Variants in CNTN5 observed in about 807,000 individuals in gnomAD.
CNTN5 encodes the protein contactin-5.
CNTN5 carries 77 observed loss-of-function variants against 129.1 expected under a neutral mutation model. That is an observed-to-expected ratio of 0.60 (90% CI 0.50 to 0.72). CNTN5 has a LOEUF of 0.72. Among genes scored for constraint, CNTN5 ranks in the 30% least tolerant of loss-of-function variants. CNTN5 has a pLI of 0.00. For synonymous variants in CNTN5, 509 were observed against 465.6 expected (o/e 1.09, Z -1.20); for missense variants, 1,478 against 1,328.8 (o/e 1.11, Z -1.75).
chr11:99,509,553 A>G (rs1946756237), intron 2 of CNTN5, among the ~76,000 whole-genome samples: 1 of 152,178 alleles, frequency 6.6e-6, no homozygotes, highest in African/African-American at 2.4e-5. Flanking sequence ...CTTTTAAAAT[A>G]TAACTGACCA....
chr11:99,750,227 T>C (rs2135212158), intron 3 of CNTN5, among the ~76,000 whole-genome samples: 1 of 152,312 alleles, frequency 6.6e-6, no homozygotes, highest in Non-Finnish European at 1.5e-5. Flanking sequence ...TGTTTTTCTC[T>C]CTATATTTCA....
chr11:99,088,394 G>A (rs559737804), intron 1 of CNTN5, among the ~76,000 whole-genome samples: 2 of 151,970 alleles, frequency 1.3e-5, no homozygotes, highest in African/African-American at 4.8e-5. Context: ...TTTTTCCTTC[G>A]GCCTTGAGAT....
At chr11:99,740,609 C>G (rs1045563255) in intron 3 of CNTN5, among the ~76,000 whole-genome samples, 2 of 152,052 alleles carry the variant, frequency 1.3e-5, no homozygotes, top group African/African-American at 2.4e-5. Context: ...GTTTGTAGTC[C>G]TGACTTGGTA....
chr11:99,228,297 A>G (rs994733108), intron 1 of CNTN5, among the ~76,000 whole-genome samples: 2 of 152,098 alleles, frequency 1.3e-5, no homozygotes, highest in African/African-American at 2.4e-5. Flanking sequence ...GAGTAGAATG[A>G]TAGTAGAATG....
rs761661646 is a variant in CNTN5 at position 100,241,781 on chromosome 11, G to T, written c.2006-13979G>T. On this transcript the variant is annotated intron_variant, in intron 16 of 24. Transcript: ENST00000524871. ...TCATGCTCTAAGTAAGACCGCAAGA[G>T]ACCAGCATGCAAAGGATCCTCAGAA... Among the ~76,000 whole-genome samples, 4 of 152,298 alleles carry T rather than the reference G, an allele frequency of 2.6e-5. No homozygotes were observed. In the East Asian group the frequency reaches 7.7e-4, roughly 29 times the overall value.
At chr11:99,403,369 T>G (rs999371342) in intron 2 of CNTN5, among the ~76,000 whole-genome samples, 1 of 152,264 alleles carries the variant, frequency 6.6e-6, no homozygotes, top group South Asian at 2.1e-4. Context: ...ATTTCTGTTC[T>G]CATTTTATCA....
intron 3 of CNTN5, among the ~76,000 whole-genome samples, chr11:99,744,413 T>G (rs1160856430): frequency 1.3e-5 from 2 of 151,542 alleles, no homozygotes; most frequent in African/African-American, 4.9e-5. Flanking sequence ...CACTAAACAA[T>G]GTTGGGACTG....
At chr11:99,810,396 C>T (rs909826957) in intron 3 of CNTN5, among the ~76,000 whole-genome samples, 7 of 152,072 alleles carry the variant, frequency 4.6e-5, no homozygotes, top group Admixed American at 2.0e-4. Flanking sequence ...GTGCCGTTAA[C>T]TTTTTTTCTT....
intron 6 of CNTN5, among the ~76,000 whole-genome samples, chr11:99,912,156 G>C (rs539356201): frequency 6.6e-6 from 1 of 151,700 alleles, no homozygotes; most frequent in African/African-American, 2.4e-5. Flanking sequence ...AAGGCAAAAA[G>C]GAAGAGGAAG....
At chr11:99,349,638 G>A (rs1208393686) in intron 2 of CNTN5, among the ~76,000 whole-genome samples, 1 of 152,102 alleles carries the variant, frequency 6.6e-6, no homozygotes, top group Non-Finnish European at 1.5e-5. Flanking sequence ...TCCGGTTGAG[G>A]CCATCTGGAG....
chr11:99,070,528 TA>T (rs10711829), intron 1 of CNTN5, among the ~76,000 whole-genome samples: 60,317 of 147,554 alleles, frequency 0.41, 12,498 homozygotes, highest in East Asian at 0.54. Context: ...TGCATGCAGA[TA>T]AAAAAAAAAA....
intron 18 of CNTN5, among the ~76,000 whole-genome samples, chr11:100,293,884 A>G (rs986414350): frequency 1.3e-5 from 2 of 151,732 alleles, no homozygotes; most frequent in Non-Finnish European, 1.5e-5. Context: ...AACTCCTTCA[A>G]TTTAACTCTT....
At chr11:99,263,236 A>G (rs534443220) in intron 1 of CNTN5, among the ~76,000 whole-genome samples, 2 of 152,240 alleles carry the variant, frequency 1.3e-5, no homozygotes, top group South Asian at 4.1e-4. Flanking sequence ...TAATCAGCAC[A>G]ATTGCTGACA....
chr11:99,654,024 C>A (rs917686010), intron 3 of CNTN5, among the ~76,000 whole-genome samples: 2 of 150,994 alleles, frequency 1.3e-5, no homozygotes, highest in East Asian at 1.9e-4. Flanking sequence ...AAAACAAAAT[C>A]AAAAAAGCCG....
chr11:100,172,937 G>A (rs1026814705), intron 13 of CNTN5, among the ~76,000 whole-genome samples: 5 of 152,064 alleles, frequency 3.3e-5, no homozygotes, highest in Non-Finnish European at 1.5e-5. Context: ...TTGAAATGGG[G>A]AGTGGCCTGA....
chr11:99,931,991 T>A (rs1168744643), intron 7 of CNTN5, among the ~76,000 whole-genome samples: 1 of 152,174 alleles, frequency 6.6e-6, no homozygotes, highest in Non-Finnish European at 1.5e-5. Context: ...GTAAATTAAC[T>A]TTAAGTTCCT....
At chr11:99,519,729 C>T (rs1947200530) in intron 2 of CNTN5, among the ~76,000 whole-genome samples, 1 of 152,032 alleles carries the variant, frequency 6.6e-6, no homozygotes, top group Non-Finnish European at 1.5e-5. Flanking sequence ...ATACATTTCA[C>T]ATTCCATGTT....
chr11:99,891,938 C>T (rs1007068312), intron 6 of CNTN5, among the ~76,000 whole-genome samples: 1 of 152,166 alleles, frequency 6.6e-6, no homozygotes, highest in Admixed American at 6.5e-5. Flanking sequence ...CTAATTTACA[C>T]TCCCAACAAC....
intron 13 of CNTN5, among the ~76,000 whole-genome samples, chr11:100,118,167 CTT>C (rs2138149495): frequency 6.6e-6 from 1 of 151,702 alleles, no homozygotes; most frequent in South Asian, 2.1e-4. Flanking sequence ...ATTTGTATCA[CTT>C]TTGAGTATAT....
Sources: allele counts gnomAD v4.1 joint callset (sites outside exome capture counted in the v4.1 genomes callset), GRCh38; gene constraint gnomAD v4.1.1; transcripts MANE v1.5; gene names NCBI Gene and HGNC (gene_info 2026-07-23, HGNC 2026-07-21).